Variants in KLF8 observed in about 807,000 individuals in gnomAD.
KLF8 encodes KLF transcription factor 8.
KLF8 carries 10 observed loss-of-function variants against 18.2 expected under a neutral mutation model. The ratio of observed to expected loss-of-function variants is 0.55; its 90% CI spans 0.34 to 0.93. The LOEUF (loss-of-function observed/expected upper bound fraction) is 0.93. Among genes scored for constraint, KLF8 ranks in the 40% least tolerant of loss-of-function variants. KLF8 has a pLI of 0.02. For missense variants in KLF8, 264 were observed against 277.9 expected (o/e 0.95, Z 0.36); for synonymous variants, 109 against 97.3 (o/e 1.12, Z -0.71).
the KLF8 span, among the ~76,000 whole-genome samples, chrX:55,945,582 A>G: frequency 4.5e-5 from 5 of 111,335 alleles, no homozygotes; most frequent in Non-Finnish European, 9.4e-5. Context: ...CTGGCACAAG[A>G]CAGGGATGCT....
the KLF8 span, among the ~76,000 whole-genome samples, chrX:55,935,207 C>T: frequency 8.9e-6 from 1 of 112,000 alleles, no homozygotes; most frequent in African/African-American, 3.2e-5. Flanking sequence ...TTAATTGTTA[C>T]AAGTACTTTG....
At chrX:56,034,155 C>T in the KLF8 span, among the ~76,000 whole-genome samples, 1 of 111,315 alleles carries the variant, frequency 9.0e-6, no homozygotes, top group Non-Finnish European at 1.9e-5. Flanking sequence ...CAGGTCTTTT[C>T]TTTAAATTTG....
chrX:56,176,891 G>T, the KLF8 span, among the ~76,000 whole-genome samples: 2 of 111,549 alleles, frequency 1.8e-5, no homozygotes, highest in Middle Eastern at 9.3e-3. Context: ...CCAGTTGATC[G>T]AATCAGCTAC....
At chrX:56,076,406 T>C in the KLF8 span, among the ~76,000 whole-genome samples, 2 of 107,840 alleles carry the variant, frequency 1.9e-5, no homozygotes, top group African/African-American at 3.4e-5. Flanking sequence ...TTTTTTGTTC[T>C]TGCAGCAGTT....
chrX:56,221,515 T>A, the KLF8 span, among the ~76,000 whole-genome samples: 1 of 111,733 alleles, frequency 8.9e-6, no homozygotes, highest in African/African-American at 3.3e-5. Context: ...GTGTTACACT[T>A]CTTAAAGGCA....
At chrX:56,207,764 G>A in the KLF8 span, among the ~76,000 whole-genome samples, 9 of 110,143 alleles carry the variant, frequency 8.2e-5, no homozygotes, top group East Asian at 2.9e-4. Flanking sequence ...TACCCAGTTC[G>A]AAAGTTGCTT....
At chrX:56,086,016 C>G in the KLF8 span, among the ~76,000 whole-genome samples, 3 of 111,776 alleles carry the variant, frequency 2.7e-5, no homozygotes, top group Non-Finnish European at 5.6e-5. Context: ...AAGACCACAC[C>G]TGCAGTTGAA....
the KLF8 span, among the ~76,000 whole-genome samples, chrX:56,034,683 AAAT>A: frequency 9.3e-6 from 1 of 107,115 alleles, no homozygotes; most frequent in African/African-American, 3.6e-5. Flanking sequence ...CTATTTGAAA[AAAT>A]AAATTATTTT....
chrX:56,094,406 T>C, the KLF8 span, among the ~76,000 whole-genome samples: 2 of 110,897 alleles, frequency 1.8e-5, no homozygotes, highest in Non-Finnish European at 3.8e-5. Flanking sequence ...ATTATCCAAT[T>C]AAACATAAAT....
chrX:56,254,458 CT>C (rs2066761626), intron 2 of KLF8, among the ~76,000 whole-genome samples: 1 of 111,894 alleles, frequency 8.9e-6, no homozygotes, highest in Non-Finnish European at 1.9e-5. Context: ...TTACAGTACC[CT>C]TTTAGCTTTG....
the KLF8 span, among the ~76,000 whole-genome samples, chrX:55,932,164 G>C: frequency 9.2e-6 from 1 of 109,149 alleles, no homozygotes; most frequent in African/African-American, 3.3e-5. Flanking sequence ...TTTAAGGTCT[G>C]TTTTATCAGA....
At chrX:56,058,686 C>A in the KLF8 span, among the ~76,000 whole-genome samples, 1 of 110,354 alleles carries the variant, frequency 9.1e-6, no homozygotes, top group African/African-American at 3.3e-5. Context: ...ATGAACTCAT[C>A]GTTTTTTATG....
chrX:56,084,049 A>G, the KLF8 span, among the ~76,000 whole-genome samples: 6 of 111,636 alleles, frequency 5.4e-5, no homozygotes, highest in African/African-American at 1.3e-4. Flanking sequence ...AGAGGGGCCT[A>G]TCTTCAGGCA....
chrX:56,007,102 T>G, the KLF8 span, among the ~76,000 whole-genome samples: 3 of 112,406 alleles, frequency 2.7e-5, no homozygotes. Flanking sequence ...ATCTGGTTAC[T>G]GCATATTTTA....
chrX:56,012,583 A>T, the KLF8 span, among the ~76,000 whole-genome samples: 1 of 111,794 alleles, frequency 8.9e-6, no homozygotes, highest in South Asian at 3.8e-4. Context: ...GTAGTATTGG[A>T]AGTTCTGGCC....
the KLF8 span, among the ~76,000 whole-genome samples, chrX:56,121,241 T>G: frequency 9.2e-6 from 1 of 108,309 alleles, no homozygotes; most frequent in Non-Finnish European, 1.9e-5. Context: ...CACATAAGGC[T>G]TCCTGCCTAT....
At chrX:55,988,197 T>C in the KLF8 span, among the ~76,000 whole-genome samples, 1 of 111,491 alleles carries the variant, frequency 9.0e-6, no homozygotes, top group African/African-American at 3.3e-5. Context: ...CAGAAGCTCT[T>C]TAGTTTAATT....
At chrX:56,062,802 A>G in the KLF8 span, among the ~76,000 whole-genome samples, 3 of 111,226 alleles carry the variant, frequency 2.7e-5, no homozygotes, top group African/African-American at 6.5e-5. Context: ...AGGTACAGCA[A>G]TGAAACATAG....
the KLF8 span, among the ~76,000 whole-genome samples, chrX:55,926,880 C>T: frequency 0.13 from 14,334 of 106,783 alleles, 1,736 homozygotes; most frequent in African/African-American, 0.43. Flanking sequence ...CATGCTCAGA[C>T]ATACCGATAG....
Sources: allele counts gnomAD v4.1 joint callset (sites outside exome capture counted in the v4.1 genomes callset), GRCh38; gene constraint gnomAD v4.1.1; transcripts MANE v1.5; gene names NCBI Gene and HGNC (gene_info 2026-07-23, HGNC 2026-07-21).